Variants in ARHGEF7 observed in about 807,000 individuals in gnomAD.
The protein encoded by ARHGEF7 is Rho guanine nucleotide exchange factor 7, also known as PAK-interacting exchange factor beta.
Under a neutral mutation model 109.8 loss-of-function variants are expected in ARHGEF7, and 33 were observed. The observed-to-expected ratio is 0.30, with a 90% CI of 0.23 to 0.40. The LOEUF is 0.40. Among genes scored for constraint, ARHGEF7 ranks in the 10% least tolerant of loss-of-function variants. ARHGEF7 has a pLI of 1.00. For synonymous variants in ARHGEF7, 458 were observed against 424.6 expected (o/e 1.08, Z -0.97); for missense variants, 938 against 1,098.5 (o/e 0.85, Z 2.07).
chr13:111,120,533 C>T (rs1367438747), intron 1 of ARHGEF7, among the ~76,000 whole-genome samples: 1 of 152,120 alleles, frequency 6.6e-6, no homozygotes, highest in African/African-American at 2.4e-5. Context: ...ACAGACACGT[C>T]TGACGGGGGT....
chr13:111,198,149 C>T (rs1355779861), intron 2 of ARHGEF7, among the ~76,000 whole-genome samples: 3 of 152,080 alleles, frequency 2.0e-5, no homozygotes, highest in African/African-American at 7.2e-5. Context: ...GGTTGTTAGC[C>T]CTTTCCCAGA....
At position 111,239,907 on chromosome 13, in the gene ARHGEF7, T is replaced by C. The variant is rs998106192; in HGVS notation, c.760-3965T>C. On this transcript the variant is annotated intron_variant, in intron 6 of 21. Transcript: ENST00000646102. The surrounding 1 kb of genome is among the most constrained non-coding windows in gnomAD (Gnocchi z 4.3). ...CAAGAAAGGCTGTCTTGTGAAATAATTACCTCCTGACTGAAGGAGTCATTT... is the reference window on the plus strand; with the variant it reads ...CAAGAAAGGCTGTCTTGTGAAATAACTACCTCCTGACTGAAGGAGTCATTT... Among the ~76,000 whole-genome samples, 1 of 152,042 alleles carries C rather than the reference T, an allele frequency of 6.6e-6. No individual in the cohort carries two copies. The highest frequency in any genetic ancestry group is 2.4e-5 in the African/African-American group (1 of 41,394).
At chr13:111,295,784 G>A (rs1226066643) in intron 19 of ARHGEF7, among the ~76,000 whole-genome samples, 1 of 152,230 alleles carries the variant, frequency 6.6e-6, no homozygotes, top group African/African-American at 2.4e-5. Context: ...TCGTTTTTAA[G>A]TGTAGTTGTA....
At chr13:111,153,524 A>T in intron 1 of ARHGEF7, 1 of 673,776 alleles carries the variant, frequency 1.5e-6, no homozygotes, top group Non-Finnish European at 1.9e-6. Context: ...GAGGCCCAGC[A>T]CTGGGCCAGA....
At position 111,212,605 on chromosome 13, in the gene ARHGEF7, A is replaced by G. The variant is rs545613116; in HGVS notation, c.468+2603A>G. On this transcript the variant is annotated intron_variant, in intron 4 of 21. Coordinates refer to ENST00000646102, the MANE Select transcript of ARHGEF7 (RefSeq NM_001354046.2). The stretch of plus-strand genomic sequence containing the variant: ...TCTGGGAGAGGTGACTTGATTTCTT[A>G]AAGTGCTGCTTCTGCTTCTGGAAAC... Among the ~76,000 whole-genome samples the G allele has an allele frequency of 5.3e-4, 81 of 152,098 alleles. 2 individuals are homozygous for G. Among genetic ancestry groups the G allele is most frequent in the Admixed American group, 2.6e-3 (40 of 15,288 alleles).
chr13:111,245,086 C>A (rs533468128), intron 8 of ARHGEF7, among the ~76,000 whole-genome samples: 1 of 152,260 alleles, frequency 6.6e-6, no homozygotes, highest in African/African-American at 2.4e-5. Flanking sequence ...TGCGGTCAGG[C>A]GCTGTTGTGG....
At position 111,181,192 on chromosome 13, in the gene ARHGEF7, A is replaced by T. The variant is rs192345759; in HGVS notation, c.253-24097A>T. On this transcript the variant is annotated intron_variant, in intron 2 of 21. Transcript: ENST00000646102. ...TTGTGAAATACATTTTTTAGTGTGG[A>T]TCATGGTCAAGAGTTTGAACATTGA... Among the ~76,000 whole-genome samples the T allele has an allele frequency of 3.4e-3, 524 of 152,322 alleles. 2 individuals are homozygous for T. The highest frequency in any genetic ancestry group is 0.014 in the Middle Eastern group (4 of 294).
At chr13:111,195,766 C>T (rs906673132) in intron 2 of ARHGEF7, among the ~76,000 whole-genome samples, 1 of 152,154 alleles carries the variant, frequency 6.6e-6, no homozygotes, top group Non-Finnish European at 1.5e-5. Context: ...TTAAAGTGTC[C>T]TTGTAAACCA....
chr13:111,241,263 C>T (rs1157410648), intron 6 of ARHGEF7: 12 of 1,536,138 alleles, frequency 7.8e-6, no homozygotes, highest in South Asian at 1.2e-5. Flanking sequence ...GGAGCTGTGG[C>T]GTCCAGGCTG....
At chr13:111,159,041 T>C in intron 2 of ARHGEF7, 1 of 718,542 alleles carries the variant, frequency 1.4e-6, no homozygotes, top group South Asian at 1.5e-5. Context: ...TGTTTCCTCC[T>C]TCCCAGCCTC....
chr13:111,123,634 T>C (rs2067342094), intron 1 of ARHGEF7, among the ~76,000 whole-genome samples: 1 of 152,206 alleles, frequency 6.6e-6, no homozygotes, highest in Admixed American at 6.5e-5. Context: ...TCTCTAGTAT[T>C]TTCTCTATTC....
chr13:111,288,849 T>C (rs1245950589), intron 18 of ARHGEF7, among the ~76,000 whole-genome samples: 1 of 152,222 alleles, frequency 6.6e-6, no homozygotes, highest in Non-Finnish European at 1.5e-5. Context: ...TTTTTTAGTT[T>C]CTTAGAAATA....
At chr13:111,203,255 T>C (rs528079070) in intron 2 of ARHGEF7, 7 of 428,836 alleles carry the variant, frequency 1.6e-5, no homozygotes, top group African/African-American at 4.3e-5. Context: ...AAAAATGTTA[T>C]GATGAAGAGA....
intron 4 of ARHGEF7, among the ~76,000 whole-genome samples, chr13:111,213,491 C>T (rs541416254): frequency 6.6e-6 from 1 of 152,374 alleles, no homozygotes; most frequent in African/African-American, 2.4e-5. Context: ...CAGCCTCCAA[C>T]TCCTCGATGG....
intron 2 of ARHGEF7, among the ~76,000 whole-genome samples, chr13:111,174,592 A>C (rs1167601027): frequency 4.6e-5 from 7 of 152,194 alleles, no homozygotes; most frequent in Admixed American, 4.6e-4. Context: ...TACGTGGCTT[A>C]GTTCACTAAG....
intron 19 of ARHGEF7, chr13:111,292,528 A>G (rs2093321424): frequency 2.8e-6 from 4 of 1,415,814 alleles, no homozygotes; most frequent in Non-Finnish European, 3.7e-6. Flanking sequence ...TATTGGAGGG[A>G]GGTGGTGTGT....
intron 2 of ARHGEF7, chr13:111,186,876 C>G (rs1245968760): frequency 4.1e-6 from 4 of 985,320 alleles, no homozygotes; most frequent in Non-Finnish European, 3.6e-6. Flanking sequence ...TGAGGAGAAG[C>G]AAAAAGACGA....
chr13:111,276,290 CATG>C (rs1319537459), intron 12 of ARHGEF7, among the ~76,000 whole-genome samples: 5 of 152,160 alleles, frequency 3.3e-5, no homozygotes, highest in Admixed American at 6.5e-5. Flanking sequence ...GCAAAAATAA[CATG>C]ATCAAAACAT....
intron 8 of ARHGEF7, among the ~76,000 whole-genome samples, chr13:111,247,144 T>A (rs2089000833): frequency 6.6e-6 from 1 of 152,258 alleles, no homozygotes; most frequent in African/African-American, 2.4e-5. Context: ...CTTTTTATTA[T>A]GAATATTCTG....
Sources: gnomAD v4.1 joint callset for allele counts (sites outside exome capture counted in the v4.1 genomes callset) on GRCh38, gnomAD v4.1.1 for gene constraint, Gnocchi (gnomAD v3.1) non-coding constraint, MANE v1.5 for transcripts, NCBI Gene and HGNC (gene_info 2026-07-23, HGNC 2026-07-21) for gene names.